Variants in DMD observed in about 807,000 individuals in gnomAD.
DMD encodes dystrophin, also known as mutant dystrophin.
In DMD, 63 loss-of-function variants were observed where a neutral mutation model predicts 330.1. The observed-to-expected ratio is 0.19, with a 90% CI of 0.16 to 0.24. The LOEUF (loss-of-function observed/expected upper bound fraction) is 0.24. Ranked by LOEUF, DMD falls within the 10% of genes least tolerant of loss-of-function variation. The pLI is 1.00. For missense variants in DMD, 3,344 were observed against 2,684.1 expected (o/e 1.25, Z -5.43); for synonymous variants, 1,223 against 959.8 (o/e 1.27, Z -5.07).
intron 13 of DMD, among the ~76,000 whole-genome samples, chrX:32,579,574 G>A (rs1601851193): frequency 8.9e-6 from 1 of 112,358 alleles, no homozygotes; most frequent in Non-Finnish European, 1.9e-5. Flanking sequence ...TCCAGATGCC[G>A]AATCCCTTTG....
intron 47 of DMD, among the ~76,000 whole-genome samples, chrX:31,880,641 ATT>A (rs1215733333): frequency 8.9e-6 from 1 of 112,085 alleles, no homozygotes; most frequent in Admixed American, 9.5e-5. Context: ...TTGGAGCCCT[ATT>A]ATACAGTCAT....
At chrX:33,042,987 A>C (rs185459978) in intron 1 of DMD, among the ~76,000 whole-genome samples, 333 of 112,079 alleles carry the variant, frequency 3.0e-3, no homozygotes, top group African/African-American at 0.01. Flanking sequence ...TGGAGCATCT[A>C]TGAATTTGCT....
intron 11 of DMD, among the ~76,000 whole-genome samples, chrX:32,643,089 C>CT (rs1942113755): frequency 9.0e-6 from 1 of 110,876 alleles, no homozygotes; most frequent in Non-Finnish European, 1.9e-5. Flanking sequence ...ATTATTGTAC[C>CT]TCTCACATCT....
intron 29 of DMD, among the ~76,000 whole-genome samples, chrX:32,419,887 G>C (rs1240230202): frequency 9.2e-6 from 1 of 108,259 alleles, no homozygotes; most frequent in Non-Finnish European, 1.9e-5. Flanking sequence ...ATTGAGCATT[G>C]ATAGAATGGT....
rs758682078 is a variant in DMD at position 31,766,873 on chromosome X, T to G, written c.7542+7087A>C. Among the ~76,000 whole-genome samples the G allele has an allele frequency of 3.6e-3, 366 of 101,084 alleles. 3 individuals carry two copies. Among genetic ancestry groups the G allele is most frequent in the African/African-American group, 0.012 (341 of 27,630 alleles). 87.8% of individuals were successfully genotyped at this position (101,084 alleles called of 115,157 possible). A position where few individuals can be genotyped will look rare whatever the true frequency, so the allele number is the denominator to read the frequency against. ...ATTAGGAGACTTAGAAAATATGATT[T>G]TGTGTGTGTGTGTGTGTGTGTGTGT... On this transcript the variant is annotated intron_variant, in intron 51 of 78. Coordinates refer to ENST00000357033, the MANE Select transcript of DMD (RefSeq NM_004006.3).
intron 29 of DMD, among the ~76,000 whole-genome samples, chrX:32,426,571 C>T (rs1198404195): frequency 1.8e-5 from 2 of 111,334 alleles, no homozygotes; most frequent in Non-Finnish European, 3.8e-5. Flanking sequence ...AGCAGTTTGG[C>T]AGAGCTAAAA....
At chrX:33,216,290 TGCA>T (rs1405608907), upstream of DMD, among the ~76,000 whole-genome samples, 1 of 111,883 alleles carries the variant, frequency 8.9e-6, no homozygotes, top group African/African-American at 3.2e-5. Context: ...TCATGTACTT[TGCA>T]GCAAGATGAA....
intron 67 of DMD, among the ~76,000 whole-genome samples, chrX:31,199,571 G>A (rs1201106735): frequency 8.9e-6 from 1 of 111,935 alleles, no homozygotes; most frequent in Non-Finnish European, 1.9e-5. Flanking sequence ...GGTTAGTGGG[G>A]AGGGATATGA....
intron 4 of DMD, among the ~76,000 whole-genome samples, chrX:32,827,065 C>CCCCACACACA (rs767139724): frequency 1.0e-4 from 7 of 68,959 alleles, no homozygotes; most frequent in South Asian, 6.4e-4. Context: ...CACCCCCCCC[C>CCCCACACACA]CACACACACA....
At chrX:32,331,614 A>C (rs898202152) in intron 41 of DMD, among the ~76,000 whole-genome samples, 2 of 111,526 alleles carry the variant, frequency 1.8e-5, no homozygotes, top group African/African-American at 6.5e-5. Flanking sequence ...TTGACAACAC[A>C]TTGCATGATG....
chrX:32,557,391 A>G (rs1204582845), intron 16 of DMD, among the ~76,000 whole-genome samples: 1 of 111,990 alleles, frequency 8.9e-6, no homozygotes, highest in Non-Finnish European at 1.9e-5. Context: ...GAATTACTCA[A>G]TGTTAAATAT....
intron 5 of DMD, among the ~76,000 whole-genome samples, chrX:32,821,697 G>T (rs1404723874): frequency 9.0e-6 from 1 of 111,615 alleles, no homozygotes; most frequent in Non-Finnish European, 1.9e-5. Flanking sequence ...TACCCTCATT[G>T]CAAGAAGCCA....
chrX:32,715,320 T>C (rs1300890803), intron 7 of DMD, among the ~76,000 whole-genome samples: 1 of 108,436 alleles, frequency 9.2e-6, no homozygotes, highest in Admixed American at 9.9e-5. Flanking sequence ...CTACTAAAAA[T>C]TCAAAAATTA....
intron 9 of DMD, among the ~76,000 whole-genome samples, chrX:32,695,385 A>C (rs2063572749): frequency 8.9e-6 from 1 of 112,101 alleles, no homozygotes; most frequent in Non-Finnish European, 1.9e-5. Context: ...TGGGAGAACG[A>C]GTGATGTAAT....
chrX:32,120,904 C>A (rs182863306), intron 44 of DMD, among the ~76,000 whole-genome samples: 1 of 112,407 alleles, frequency 8.9e-6, no homozygotes, highest in East Asian at 2.8e-4. Flanking sequence ...ATTTACTGAC[C>A]TGTCACAGAT....
At chrX:32,706,198 G>T (rs2064622054) in intron 7 of DMD, among the ~76,000 whole-genome samples, 1 of 84,051 alleles carries the variant, frequency 1.2e-5, no homozygotes, top group Non-Finnish European at 2.3e-5. Context: ...GACACAGGAA[G>T]GGGAACATCA....
chrX:31,319,761 G>C (rs762901792), intron 62 of DMD, among the ~76,000 whole-genome samples: 1 of 112,144 alleles, frequency 8.9e-6, no homozygotes, highest in South Asian at 3.7e-4. Flanking sequence ...TGCATGTTTG[G>C]GATTCCTAAA....
At position 31,377,769 on chromosome X, in the gene DMD, G is replaced by A. The variant is rs1376348365; in HGVS notation, c.9085-29135C>T. 3.6e-5 allele frequency among the ~76,000 whole-genome samples: 4 copies of A among 111,921 alleles called. No homozygotes were observed. In the Admixed American group the frequency reaches 3.8e-4, roughly 11 times the overall value. Reference sequence around the variant, plus strand: ...TAAGCCATCATATCCCCTGTGACCTGCACGTATACATCCAGAAGGCCTGAA... The same window carrying A: ...TAAGCCATCATATCCCCTGTGACCTACACGTATACATCCAGAAGGCCTGAA... On this transcript the variant is annotated intron_variant, in intron 60 of 78. Coordinates refer to ENST00000357033, the MANE Select transcript of DMD (RefSeq NM_004006.3).
intron 43 of DMD, among the ~76,000 whole-genome samples, chrX:32,239,258 A>G (rs1422166425): frequency 9.0e-6 from 1 of 111,061 alleles, no homozygotes; most frequent in African/African-American, 3.3e-5. Context: ...ATACTCTCCC[A>G]TTTTCCATGC....
Sources: gnomAD v4.1 joint callset for allele counts (sites outside exome capture counted in the v4.1 genomes callset) on GRCh38, gnomAD v4.1.1 for gene constraint, MANE v1.5 for transcripts, NCBI Gene and HGNC (gene_info 2026-07-23, HGNC 2026-07-21) for gene names.